UGT2A1: variants seen among roughly 807,000 people sequenced by gnomAD.
The protein encoded by UGT2A1 is UDP glucuronosyltransferase family 2 member A1 complex locus.
Under a neutral mutation model 45.4 loss-of-function variants are expected in UGT2A1, and 61 were observed. The observed-to-expected ratio is 1.34, with a 90% CI of 1.09 to 1.66. UGT2A1 has a LOEUF of 1.66. Ranked by LOEUF, UGT2A1 falls within the 40% of genes most tolerant of loss-of-function variation. UGT2A1 has a pLI of 0.00. For missense variants in UGT2A1, 649 were observed against 574.3 expected (o/e 1.13, Z -1.33); for synonymous variants, 229 against 196.2 (o/e 1.17, Z -1.40).
chr4:69,606,041 GAA>G (rs1442328979), intron 3 of UGT2A1, among the ~76,000 whole-genome samples: 1 of 136,686 alleles, frequency 7.3e-6, no homozygotes, highest in African/African-American at 3.0e-5. Flanking sequence ...CCAAGCAATA[GAA>G]AAAGAGGGAA....
intron 3 of UGT2A1, among the ~76,000 whole-genome samples, chr4:69,633,268 T>C (rs115062101): frequency 0.013 from 1,954 of 152,150 alleles, 53 homozygotes; most frequent in African/African-American, 0.045. Flanking sequence ...ATAAAAACAA[T>C]AGAGATCAAC....
chr4:69,632,760 C>T (rs190883835), intron 3 of UGT2A1, among the ~76,000 whole-genome samples: 1 of 151,846 alleles, frequency 6.6e-6, no homozygotes. Context: ...TGGTGAAGGG[C>T]TCCTGTAATC....
chr4:69,618,536 A>T (rs370291826), intron 3 of UGT2A1, among the ~76,000 whole-genome samples: 9 of 151,966 alleles, frequency 5.9e-5, no homozygotes, highest in African/African-American at 2.2e-4. Context: ...GTGGCCGTTG[A>T]ATGAGAATTT....
chr4:69,598,526 C>T (rs1719067509), intron 4 of UGT2A1, among the ~76,000 whole-genome samples: 1 of 152,088 alleles, frequency 6.6e-6, no homozygotes, highest in South Asian at 2.1e-4. Flanking sequence ...ACCAATACAA[C>T]ATTTGTATCT....
chr4:69,600,832 A>G (rs1319757226), intron 3 of UGT2A1, among the ~76,000 whole-genome samples: 2 of 151,746 alleles, frequency 1.3e-5, no homozygotes, highest in Non-Finnish European at 2.9e-5. Flanking sequence ...AGATCTCGTG[A>G]TAACTCACTC....
At chr4:69,652,505 A>C (rs1007876676) in intron 1 of UGT2A1, among the ~76,000 whole-genome samples, 1 of 151,894 alleles carries the variant, frequency 6.6e-6, no homozygotes, top group Non-Finnish European at 1.5e-5. Flanking sequence ...TTCTGACCAG[A>C]GGTGATCCAC....
chr4:69,622,703 A>G (rs983713831), intron 3 of UGT2A1, among the ~76,000 whole-genome samples: 1 of 151,756 alleles, frequency 6.6e-6, no homozygotes, highest in African/African-American at 2.4e-5. Context: ...CTTCAATTCT[A>G]TACTTGATGT....
chr4:69,597,665 T>C (rs2109886410), intron 4 of UGT2A1, among the ~76,000 whole-genome samples: 1 of 152,264 alleles, frequency 6.6e-6, no homozygotes, highest in South Asian at 2.1e-4. Flanking sequence ...CAGGAATTGG[T>C]GCTTTGCCAT....
chr4:69,638,941 A>T (rs1236666117), intron 2 of UGT2A1: 4 of 1,611,520 alleles, frequency 2.5e-6, no homozygotes, highest in African/African-American at 1.3e-5. Context: ...CCCCAGTAGG[A>T]CTGAAATATA....
At chr4:69,632,578 T>C (rs1721447010) in intron 3 of UGT2A1, among the ~76,000 whole-genome samples, 1 of 152,058 alleles carries the variant, frequency 6.6e-6, no homozygotes, top group South Asian at 2.1e-4. Flanking sequence ...AAATCATCCT[T>C]AGTGAATATA....
At chr4:69,630,273 T>C (rs1351375116) in intron 3 of UGT2A1, among the ~76,000 whole-genome samples, 1 of 152,092 alleles carries the variant, frequency 6.6e-6, no homozygotes, top group Non-Finnish European at 1.5e-5. Context: ...TTTGACGTAG[T>C]TGGAGTGAGG....
intron 3 of UGT2A1, among the ~76,000 whole-genome samples, chr4:69,610,261 A>G (rs2109915170): frequency 6.6e-6 from 1 of 152,194 alleles, no homozygotes. Flanking sequence ...AAAAAGTTGC[A>G]TTGAATTCAT....
intron 4 of UGT2A1, among the ~76,000 whole-genome samples, chr4:69,598,781 C>G (rs556439179): frequency 6.6e-6 from 1 of 152,018 alleles, no homozygotes; most frequent in Non-Finnish European, 1.5e-5. Flanking sequence ...AGATTAAAAC[C>G]TAAGAGCCCT....
Position 69,608,181 on chromosome 4 carries a change from C to T in UGT2A1, c.848-8787G>A, listed in dbSNP as rs781219176. On this transcript the variant is annotated intron_variant, in intron 3 of 6. Transcript: ENST00000286604. ...ACTTGGAACCAACCCAAATGTCCAA[C>T]AATGATAGACTGGATTAAGAAAATG... Among the ~76,000 whole-genome samples the T allele has an allele frequency of 8.5e-5, 13 of 152,170 alleles. No homozygotes were observed. In the East Asian group the frequency reaches 2.5e-3, roughly 29 times the overall value.
chr4:69,650,629 A>G (rs889811043), intron 1 of UGT2A1, among the ~76,000 whole-genome samples: 5 of 152,102 alleles, frequency 3.3e-5, no homozygotes, highest in Non-Finnish European at 7.4e-5. Flanking sequence ...GTAATAATAC[A>G]TACCACATAT....
intron 4 of UGT2A1, among the ~76,000 whole-genome samples, chr4:69,597,341 C>A (rs1242659580): frequency 6.6e-6 from 1 of 152,016 alleles, no homozygotes; most frequent in Non-Finnish European, 1.5e-5. Context: ...AGCTATGTGC[C>A]CTTAATTTGA....
chr4:69,646,519 A>G (rs1251122838), intron 2 of UGT2A1, among the ~76,000 whole-genome samples: 1 of 151,842 alleles, frequency 6.6e-6, no homozygotes, highest in African/African-American at 2.4e-5. Flanking sequence ...TTATCCACAT[A>G]TATGTATGTT....
intron 3 of UGT2A1, among the ~76,000 whole-genome samples, chr4:69,613,895 C>T (rs575721894): frequency 6.6e-6 from 1 of 151,952 alleles, no homozygotes; most frequent in Non-Finnish European, 1.5e-5. Flanking sequence ...AAATTGAAAG[C>T]CTTTCTTCTA....
intron 4 of UGT2A1, among the ~76,000 whole-genome samples, 195 bp downstream of exon 4, chr4:69,599,051 C>T (rs931163749): frequency 3.9e-5 from 6 of 152,086 alleles, no homozygotes; most frequent in Admixed American, 2.6e-4. Context: ...TTTTATTCTT[C>T]AGTTTAAATT....
Sources: allele counts gnomAD v4.1 joint callset (sites outside exome capture counted in the v4.1 genomes callset), GRCh38; gene constraint gnomAD v4.1.1; transcripts MANE v1.5; gene names NCBI Gene and HGNC (gene_info 2026-07-23, HGNC 2026-07-21).